NCKAP5: variants seen among roughly 807,000 people sequenced by gnomAD.
NCKAP5 encodes the protein NCK associated protein 5, also known as nck-associated protein 5.
NCKAP5 carries 92 observed loss-of-function variants against 167.0 expected under a neutral mutation model. The observed-to-expected ratio is 0.55, with a 90% confidence interval of 0.47 to 0.66. The LOEUF is 0.66. Among genes scored for constraint, NCKAP5 ranks in the 30% least tolerant of loss-of-function variants. The probability of loss-of-function intolerance (pLI) is 0.00; values close to 1 mark genes in which losing one functional copy is unlikely to be tolerated. For missense variants in NCKAP5, 2,378 were observed against 2,315.0 expected (o/e 1.03, Z -0.56); for synonymous variants, 891 against 877.4 (o/e 1.02, Z -0.27).
intron 11 of NCKAP5, among the ~76,000 whole-genome samples, chr2:132,812,317 T>C (rs1395299262): frequency 6.6e-6 from 1 of 152,224 alleles, no homozygotes; most frequent in Non-Finnish European, 1.5e-5. Flanking sequence ...TTATTTTTCC[T>C]TATTTAATCC....
chr2:133,154,367 C>G (rs980110538), intron 5 of NCKAP5, among the ~76,000 whole-genome samples: 2 of 152,126 alleles, frequency 1.3e-5, no homozygotes, highest in Admixed American at 6.5e-5. Context: ...TTAAAGCCAC[C>G]TCTGGTGAAC....
At chr2:132,929,330 A>G (rs1458717046) in intron 8 of NCKAP5, among the ~76,000 whole-genome samples, 1 of 152,250 alleles carries the variant, frequency 6.6e-6, no homozygotes, top group East Asian at 1.9e-4. Flanking sequence ...TTGCTCTAAC[A>G]CTATGACTGT....
At chr2:133,450,195 A>C (rs1691462481) in intron 3 of NCKAP5, among the ~76,000 whole-genome samples, 1 of 152,192 alleles carries the variant, frequency 6.6e-6, no homozygotes, top group African/African-American at 2.4e-5. Context: ...TTATTTGCTC[A>C]GTCTGTGCTG....
At chr2:133,446,519 T>C (rs1691203337) in intron 3 of NCKAP5, among the ~76,000 whole-genome samples, 1 of 152,158 alleles carries the variant, frequency 6.6e-6, no homozygotes. Context: ...AAGGAAAATT[T>C]AAACAAGTTG....
intron 4 of NCKAP5, among the ~76,000 whole-genome samples, chr2:133,246,276 G>A (rs1185003076): frequency 4.0e-5 from 6 of 151,558 alleles, no homozygotes; most frequent in Admixed American, 2.0e-4. Context: ...AAAAATCACT[G>A]TCTATCCTCA....
intron 6 of NCKAP5, among the ~76,000 whole-genome samples, chr2:133,078,163 A>G (rs759404009): frequency 3.9e-5 from 6 of 152,170 alleles, no homozygotes; most frequent in Admixed American, 2.6e-4. Context: ...ATTTTACATC[A>G]CAGCAGGAAC....
chr2:132,743,041 G>T (rs904311556), intron 16 of NCKAP5, among the ~76,000 whole-genome samples: 5 of 150,032 alleles, frequency 3.3e-5, no homozygotes, highest in African/African-American at 7.4e-5. Flanking sequence ...CATCCATGAA[G>T]AATTAAATTG....
chr2:133,481,188 C>T (rs1680393649), intron 3 of NCKAP5, among the ~76,000 whole-genome samples: 1 of 152,102 alleles, frequency 6.6e-6, no homozygotes, highest in Non-Finnish European at 1.5e-5. Context: ...TCTTGAAAAA[C>T]AAACATTATG....
intron 11 of NCKAP5, among the ~76,000 whole-genome samples, chr2:132,802,043 G>A (rs967090628): frequency 2.0e-5 from 3 of 152,182 alleles, no homozygotes; most frequent in East Asian, 3.9e-4. Context: ...CTCCCGAAGT[G>A]CTAGGATTAC....
At chr2:133,130,360 T>C (rs1174845286) in intron 5 of NCKAP5, among the ~76,000 whole-genome samples, 1 of 152,160 alleles carries the variant, frequency 6.6e-6, no homozygotes, top group Non-Finnish European at 1.5e-5. Context: ...GTGACTTAAT[T>C]CTAACACTTG....
intron 3 of NCKAP5, among the ~76,000 whole-genome samples, chr2:133,371,747 C>T (rs751997107): frequency 6.6e-6 from 1 of 152,158 alleles, no homozygotes; most frequent in Non-Finnish European, 1.5e-5. Context: ...GCCACTCCCT[C>T]CTCAATTTTT....
intron 2 of NCKAP5, among the ~76,000 whole-genome samples, chr2:133,551,251 T>G: frequency 6.6e-6 from 1 of 151,308 alleles, no homozygotes; most frequent in Non-Finnish European, 1.5e-5. Context: ...TACTTTAAAG[T>G]TCATATGGAA....
intron 3 of NCKAP5, among the ~76,000 whole-genome samples, chr2:133,341,529 ATTTC>A (rs1255017213): frequency 6.6e-5 from 10 of 152,294 alleles, no homozygotes; most frequent in African/African-American, 2.4e-4. Context: ...TACTGTACAT[ATTTC>A]TTCTTGATAT....
At chr2:133,272,504 T>C (rs529376805) in intron 4 of NCKAP5, among the ~76,000 whole-genome samples, 1 of 152,264 alleles carries the variant, frequency 6.6e-6, no homozygotes, top group East Asian at 1.9e-4. Context: ...AATTCAATAA[T>C]CCACGGAATC....
Position 133,234,529 on chromosome 2 carries a change from C to T in NCKAP5, c.144-20750G>A, listed in dbSNP as rs61598482. Among the ~76,000 whole-genome samples the T allele has an allele frequency of 9.2e-3, 1,404 of 152,266 alleles. 31 individuals are homozygous for T. Among genetic ancestry groups the T allele is most frequent in the South Asian group, 0.058 (278 of 4,830 alleles). On this transcript the variant is annotated intron_variant, in intron 4 of 19. Coordinates refer to ENST00000409261, the MANE Select transcript of NCKAP5 (RefSeq NM_207363.3). Reference sequence around the variant, plus strand: ...GAGGAATAAGCTAGCTCTTGGAACACTAATTCCAGTACTGACCACTGTATG... The same window carrying T: ...GAGGAATAAGCTAGCTCTTGGAACATTAATTCCAGTACTGACCACTGTATG...
chr2:132,792,092 G>A (rs1684123021), intron 12 of NCKAP5, among the ~76,000 whole-genome samples: 1 of 151,996 alleles, frequency 6.6e-6, no homozygotes, highest in African/African-American at 2.4e-5. Flanking sequence ...CACTCTTGTT[G>A]CCCAGGCTGG....
At chr2:133,260,966 T>A (rs1156371114) in intron 4 of NCKAP5, among the ~76,000 whole-genome samples, 1 of 152,312 alleles carries the variant, frequency 6.6e-6, no homozygotes, top group East Asian at 1.9e-4. Context: ...GTAGTTTACA[T>A]CTCATTAATA....
intron 8 of NCKAP5, among the ~76,000 whole-genome samples, chr2:132,903,877 A>T (rs772997449): frequency 1.3e-5 from 2 of 152,216 alleles, no homozygotes; most frequent in Non-Finnish European, 2.9e-5. Flanking sequence ...AATTACCATT[A>T]ATGTTATAAT....
chr2:132,982,596 T>C (rs956657212), intron 7 of NCKAP5, among the ~76,000 whole-genome samples: 1 of 152,182 alleles, frequency 6.6e-6, no homozygotes, highest in Non-Finnish European at 1.5e-5. Flanking sequence ...AGGTTAGGGG[T>C]ATGACTGATC....
Sources: allele counts gnomAD v4.1 joint callset (sites outside exome capture counted in the v4.1 genomes callset), GRCh38; gene constraint gnomAD v4.1.1; transcripts MANE v1.5; gene names NCBI Gene and HGNC (gene_info 2026-07-23, HGNC 2026-07-21).